LRGUK: variants seen among roughly 807,000 people sequenced by gnomAD.
LRGUK encodes leucine rich repeats and guanylate kinase domain containing.
Under a neutral mutation model 76.0 loss-of-function variants are expected in LRGUK, and 65 were observed. That is an observed-to-expected ratio of 0.85 (90% CI 0.70 to 1.05). The LOEUF is 1.05. Ranked by LOEUF, LRGUK falls within the 50% of genes least tolerant of loss-of-function variation. LRGUK has a pLI of 0.00. For synonymous variants in LRGUK, 268 were observed against 265.6 expected (o/e 1.01, Z -0.09); for missense variants, 758 against 732.8 (o/e 1.03, Z -0.40).
At chr7:134,130,693 A>ATC (rs1797265561) in intron 1 of LRGUK, among the ~76,000 whole-genome samples, 1 of 152,224 alleles carries the variant, frequency 6.6e-6, no homozygotes, top group African/African-American at 2.4e-5. Context: ...TTGCAATGCT[A>ATC]TCATGGTCAC....
At chr7:134,158,286 C>T in intron 6 of LRGUK, 127 bp downstream of exon 6, 1 of 826,912 alleles carries the variant, frequency 1.2e-6, no homozygotes, top group Non-Finnish European at 1.8e-6. Context: ...TTATTGTCTT[C>T]AGTTTTGTTT....
At chr7:134,209,179 G>C (rs1484390742) in exon 16 of LRGUK, 1 of 399,246 alleles carries the variant, frequency 2.5e-6, no homozygotes, top group Non-Finnish European at 4.4e-6. Flanking sequence ...AGCCAGGCCA[G>C]GACAAGGAGT....
At chr7:134,250,740 CT>C (rs1232434801) in intron 18 of LRGUK, among the ~76,000 whole-genome samples, 1 of 152,134 alleles carries the variant, frequency 6.6e-6, no homozygotes, top group Non-Finnish European at 1.5e-5. Context: ...AAACTGTGAT[CT>C]CTGAGGATTT....
chr7:134,272,063 G>C, the LRGUK span, among the ~76,000 whole-genome samples: 2 of 151,902 alleles, frequency 1.3e-5, no homozygotes, highest in Non-Finnish European at 2.9e-5. Context: ...ATGTTGAATA[G>C]AAACAATGAT....
At chr7:134,232,480 A>G (rs142544815) in intron 16 of LRGUK, among the ~76,000 whole-genome samples, 3,024 of 152,148 alleles carry the variant, frequency 0.02, 36 homozygotes, top group Non-Finnish European at 0.031. Flanking sequence ...GGGTTTCACC[A>G]TGTTGGCCAG....
In LRGUK at chr7:134,178,538, A is replaced by G; in HGVS notation, c.1143A>G (p.Glu381=). The stretch of plus-strand genomic sequence containing the variant: ...TGAATAAATATGATCCTCCCCCTGA[A>G]GTGGTTGCAGCTCAAGACCACCTGA... The change falls in exon 10 of 16, where the codon GAA becomes GAG. Residue 381 remains glutamate, a synonymous_variant. Transcript: ENST00000645682. 1.9e-6 allele frequency: 3 copies of G among 1,613,220 alleles called. No individual in the cohort carries two copies. In the South Asian group the frequency reaches 3.3e-5, roughly 18 times the overall value.
intron 6 of LRGUK, among the ~76,000 whole-genome samples, chr7:134,159,317 A>G: frequency 6.6e-6 from 1 of 150,456 alleles, no homozygotes. Context: ...AGCCTGGGCA[A>G]CAGAGTAAGA....
intron 16 of LRGUK, among the ~76,000 whole-genome samples, chr7:134,243,981 G>C (rs1411606360): frequency 6.6e-6 from 1 of 152,120 alleles, no homozygotes; most frequent in Non-Finnish European, 1.5e-5. Context: ...AATGGTGCTG[G>C]GAAAACTGGC....
intron 16 of LRGUK, among the ~76,000 whole-genome samples, chr7:134,235,741 G>A (rs1373728556): frequency 2.6e-5 from 4 of 152,156 alleles, no homozygotes; most frequent in African/African-American, 9.7e-5. Flanking sequence ...ATGAATGAAG[G>A]AACAGGGGGA....
the LRGUK span, among the ~76,000 whole-genome samples, chr7:134,271,520 A>G: frequency 6.6e-6 from 1 of 151,886 alleles, no homozygotes; most frequent in Non-Finnish European, 1.5e-5. Flanking sequence ...CAGTTGTCCC[A>G]TTACTCTCCC....
intron 16 of LRGUK, among the ~76,000 whole-genome samples, chr7:134,240,986 T>A (rs1049862882): frequency 1.3e-5 from 2 of 152,156 alleles, no homozygotes; most frequent in Non-Finnish European, 2.9e-5. Context: ...TAAAATCCTT[T>A]ACAGACAAAC....
At chr7:134,248,919 GTTTT>G (rs34245697) in intron 17 of LRGUK, 28 bp from the exon 18 acceptor site, 3 of 1,199,550 alleles carry the variant, frequency 2.5e-6, no homozygotes, top group South Asian at 2.2e-5. Flanking sequence ...AAATCCTTTG[GTTTT>G]TTTTTTTTTT....
intron 16 of LRGUK, among the ~76,000 whole-genome samples, chr7:134,237,398 AG>A (rs2117186012): frequency 6.6e-6 from 1 of 152,256 alleles, no homozygotes; most frequent in South Asian, 2.1e-4. Flanking sequence ...TATTCTCTGA[AG>A]GTGACCAGTT....
chr7:134,154,004 G>A (rs543750730), intron 5 of LRGUK, among the ~76,000 whole-genome samples: 9 of 152,154 alleles, frequency 5.9e-5, no homozygotes, highest in South Asian at 2.1e-4. Flanking sequence ...TGTCAGCATC[G>A]TCAAAATGTA....
intron 5 of LRGUK, among the ~76,000 whole-genome samples, chr7:134,153,082 T>C (rs1798297750): frequency 6.6e-6 from 1 of 152,028 alleles, no homozygotes; most frequent in African/African-American, 2.4e-5. Flanking sequence ...CTCATTATAT[T>C]TTTAAAAATA....
chr7:134,197,228 T>C lies in LRGUK; in HGVS notation c.1545+123T>C, dbSNP rs1297982422. On this transcript the variant is annotated intron_variant, in intron 13 of 15. Transcript: ENST00000645682. ...TACTGATACATAATTGAGGTACATA[T>C]ATGGGGTACATGCGTTAATGTATAT... 4.4e-5 allele frequency: 27 copies of C among 611,274 alleles called. No individual in the cohort carries two copies. The South Asian group carries it at 6.5e-4, about 15-fold the overall frequency. 37.9% of individuals were successfully genotyped at this position (611,274 alleles called of 1,614,324 possible). A position where few individuals can be genotyped will look rare whatever the true frequency, so the allele number is the denominator to read the frequency against.
intron 16 of LRGUK, among the ~76,000 whole-genome samples, chr7:134,236,927 C>G (rs1008178589): frequency 6.6e-6 from 1 of 152,074 alleles, no homozygotes; most frequent in African/African-American, 2.4e-5. Context: ...GGATTGAAAA[C>G]TGATGATTTT....
rs1359262584 is a variant in LRGUK, at chr7:134,144,036, T to G, written c.588+874T>G. Among the ~76,000 whole-genome samples the G allele has an allele frequency of 2.0e-5, 3 of 152,358 alleles. No individual in the cohort carries two copies. In the East Asian group the frequency reaches 5.8e-4, roughly 29 times the overall value. ...AGACCTACTGATACCCAAATCCCAC[T>G]GCAAGAGATTCTGATTTAAGTGGTC... is the stretch of plus-strand genomic sequence containing the variant. On this transcript the variant is annotated intron_variant, in intron 4 of 15. Coordinates refer to ENST00000645682, the Ensembl canonical transcript of LRGUK.
rs1799593755 is a variant in LRGUK at position 134,178,680 on chromosome 7, A to G, written c.1214+71A>G. The G allele has an allele frequency of 2.5e-6, 3 of 1,193,098 alleles. No individual in the cohort carries two copies. The South Asian group carries it at 4.1e-5, about 16-fold the overall frequency. The allele number at this position is 1,193,098 out of a possible 1,614,324, so 73.9% of individuals were successfully genotyped here. A position where few individuals can be genotyped will look rare whatever the true frequency, so the allele number is the denominator to read the frequency against. On this transcript the variant is annotated intron_variant, in intron 10 of 15. Transcript: ENST00000645682. ...AAAGACAGCCTCATCACTTCCCCTA[A>G]CCCCTATTTTGTGACCCCTTTATTT...
Sources: allele counts gnomAD v4.1 joint callset (sites outside exome capture counted in the v4.1 genomes callset), GRCh38; gene constraint gnomAD v4.1.1; transcripts MANE v1.5; gene names NCBI Gene and HGNC (gene_info 2026-07-23, HGNC 2026-07-21).